The following TTC39B variants were observed in gnomAD, a reference collection of about 807,000 sequenced individuals.
The protein encoded by TTC39B is tetratricopeptide repeat domain 39B.
A neutral mutation model predicts 96.6 loss-of-function variants in TTC39B; 92 were observed. The observed-to-expected ratio is 0.95, with a 90% confidence interval of 0.80 to 1.13. The LOEUF (loss-of-function observed/expected upper bound fraction) is 1.13. Ranked by LOEUF, TTC39B falls within the 50% of genes most tolerant of loss-of-function variation. The pLI is 0.00. For synonymous variants in TTC39B, 367 were observed against 299.4 expected, an observed-to-expected ratio of 1.23 and a Z score of -2.33; for missense variants, 955 against 809.3, an observed-to-expected ratio of 1.18 and a Z score of -2.18.
chr9:15,300,059 A>G (rs1422941674), intron 1 of TTC39B, among the ~76,000 whole-genome samples: 1 of 152,174 alleles, frequency 6.6e-6, no homozygotes, highest in Non-Finnish European at 1.5e-5. Context: ...ACTGACGGTA[A>G]AGTGATGCTG....
At chr9:15,179,444 T>A (rs970582195) in intron 17 of TTC39B, among the ~76,000 whole-genome samples, 1 of 152,220 alleles carries the variant, frequency 6.6e-6, no homozygotes, top group Middle Eastern at 3.2e-3. Context: ...GGGTTACTTC[T>A]TAGGTGCTGA....
At chr9:15,183,655 T>C (rs576743651) in intron 16 of TTC39B, among the ~76,000 whole-genome samples, 2 of 152,234 alleles carry the variant, frequency 1.3e-5, no homozygotes, top group South Asian at 4.1e-4. Flanking sequence ...TCTAGAAAAT[T>C]TTCTGTAGAG....
chr9:15,256,070 G>A (rs2131521208), intron 2 of TTC39B, among the ~76,000 whole-genome samples: 1 of 152,304 alleles, frequency 6.6e-6, no homozygotes, highest in East Asian at 1.9e-4. Context: ...CCCCCAAAGT[G>A]ATGGCGTGGG....
intron 16 of TTC39B, 120 bp from the exon 17 acceptor site, chr9:15,182,535 CA>C (rs1446825058): frequency 3.4e-6 from 2 of 585,196 alleles, no homozygotes; most frequent in Non-Finnish European, 5.7e-6. Flanking sequence ...ACAATATTTA[CA>C]GATCATTTTC....
chr9:15,276,288 C>G (rs181754322), intron 1 of TTC39B, among the ~76,000 whole-genome samples: 13 of 152,330 alleles, frequency 8.5e-5, no homozygotes, highest in Admixed American at 2.6e-4. Context: ...TGCTTCAGGC[C>G]TGCTGTTCAC....
chr9:15,294,106 G>T (rs906276181), intron 1 of TTC39B, among the ~76,000 whole-genome samples: 1 of 152,034 alleles, frequency 6.6e-6, no homozygotes, highest in African/African-American at 2.4e-5. Flanking sequence ...TAAGGTATTT[G>T]CATGTTACTT....
chr9:15,266,223 G>C (rs1586980059), intron 2 of TTC39B, among the ~76,000 whole-genome samples: 1 of 151,520 alleles, frequency 6.6e-6, no homozygotes, highest in African/African-American at 2.4e-5. Context: ...CTAATTAATA[G>C]GTTAATCCCA....
intron 7 of TTC39B, 65 bp downstream of exon 7, chr9:15,203,749 AATGCACCAC>A (rs1819679192): frequency 8.3e-7 from 1 of 1,211,194 alleles, no homozygotes; most frequent in African/African-American, 1.5e-5. Context: ...TTTGACATAG[AATGCACCAC>A]ATTTTTCTAT....
chr9:15,199,509 G>A (rs1778490523), intron 8 of TTC39B, among the ~76,000 whole-genome samples: 1 of 151,816 alleles, frequency 6.6e-6, no homozygotes, highest in South Asian at 2.1e-4. Flanking sequence ...GCTGAGGCGG[G>A]CGGATCACGA....
intron 1 of TTC39B, among the ~76,000 whole-genome samples, chr9:15,270,733 T>A (rs1362748503): frequency 4.3e-5 from 6 of 138,698 alleles, no homozygotes; most frequent in Non-Finnish European, 3.1e-5. Flanking sequence ...AGACCCTGTA[T>A]CTAATAACTT....
At chr9:15,300,430 C>T (rs1340654253) in intron 1 of TTC39B, among the ~76,000 whole-genome samples, 2 of 152,160 alleles carry the variant, frequency 1.3e-5, no homozygotes, top group South Asian at 2.1e-4. Flanking sequence ...CTCTTCTGTC[C>T]AATGCCACAG....
chr9:15,294,659 A>T (rs1270104969), intron 1 of TTC39B, among the ~76,000 whole-genome samples: 1 of 151,892 alleles, frequency 6.6e-6, no homozygotes, highest in Non-Finnish European at 1.5e-5. Context: ...AGGTGGGAGG[A>T]TGTAAACTTG....
intron 15 of TTC39B, 64 bp from the exon 16 acceptor site, chr9:15,185,470 G>A: frequency 6.3e-7 from 1 of 1,596,436 alleles, no homozygotes; most frequent in Non-Finnish European, 8.5e-7. Flanking sequence ...ATTTGTACCT[G>A]TGGTTTTCAC....
intron 1 of TTC39B, among the ~76,000 whole-genome samples, chr9:15,285,980 G>A (rs776514192): frequency 2.6e-5 from 4 of 151,992 alleles, no homozygotes; most frequent in African/African-American, 2.4e-5. Flanking sequence ...CCTTCCTATC[G>A]ATCAATCAAT....
chr9:15,199,517 C>T (rs1819387648), intron 8 of TTC39B, among the ~76,000 whole-genome samples: 1 of 151,702 alleles, frequency 6.6e-6, no homozygotes, highest in South Asian at 2.1e-4. Context: ...GGGCGGATCA[C>T]GAGGTCAGGA....
Position 15,190,556 on chromosome 9 carries a change from A to G in TTC39B, c.1103T>C (p.Leu368Pro). 6 of 1,610,714 alleles carry G rather than the reference A, an allele frequency of 3.7e-6. No individual in the cohort carries two copies. The highest frequency in any genetic ancestry group is 5.1e-6 in the Non-Finnish European group (6 of 1,176,962). ...AAACAATCTAATCCAGATCTTACCA[A>G]GTATTAGGGAGATGTAAGTATGAAA... Residue 368 changes from leucine (L) to proline (P), a missense_variant and splice_region_variant, in exon 11 of 20, where the codon CTT becomes CCT. By Grantham distance (98) the Leu-to-Pro change is moderately conservative (BLOSUM62 -3). Coordinates refer to ENST00000512701, the Ensembl canonical transcript of TTC39B.
At position 15,264,568 on chromosome 9, in the gene TTC39B, T is replaced by C. The variant is rs560221442; in HGVS notation, c.275+3346A>G. Among the ~76,000 whole-genome samples the C allele has an allele frequency of 3.3e-5, 5 of 150,602 alleles. No homozygotes were observed. The South Asian group carries it at 1.0e-3, about 32-fold the overall frequency. ...TACTTGGAAGGCTGAGGCAGGAGAATTGCTTGAACCCAGGAGGCAGAGGTT... is the reference window on the plus strand; with the variant it reads ...TACTTGGAAGGCTGAGGCAGGAGAACTGCTTGAACCCAGGAGGCAGAGGTT... On this transcript the variant is annotated intron_variant, in intron 2 of 19. Transcript: ENST00000512701.
At chr9:15,232,188 C>T (rs1821461574) in intron 2 of TTC39B, 1 of 152,682 alleles carries the variant, frequency 6.5e-6, no homozygotes, top group African/African-American at 2.4e-5. Flanking sequence ...TACCCATCTG[C>T]TTGTGCGGCA....
exon 20 of TTC39B, chr9:15,169,296 A>T (rs1428981028): frequency 6.6e-6 from 1 of 152,216 alleles, no homozygotes; most frequent in Admixed American, 6.5e-5. Flanking sequence ...CATAGAAAAC[A>T]TTAACATATA....
Sources: gnomAD v4.1 joint callset for allele counts (sites outside exome capture counted in the v4.1 genomes callset) on GRCh38, gnomAD v4.1.1 for gene constraint, MANE v1.5 for transcripts, NCBI Gene and HGNC (gene_info 2026-07-23, HGNC 2026-07-21) for gene names.